The following CLCN5 variants were observed in gnomAD, a reference collection of about 807,000 sequenced individuals.
CLCN5 encodes the protein Cl-/H+ antiporter 5, also known as H(+)/Cl(-) exchange transporter 5.
Under a neutral mutation model 54.0 loss-of-function variants are expected in CLCN5, and 17 were observed. The ratio of observed to expected loss-of-function variants is 0.31; its 90% CI spans 0.22 to 0.47. The LOEUF (loss-of-function observed/expected upper bound fraction) is 0.47, where lower values mean the gene tolerates loss of function less well. Among genes scored for constraint, CLCN5 ranks in the 20% least tolerant of loss-of-function variants. CLCN5 has a pLI of 1.00. For missense variants in CLCN5, 448 were observed against 646.7 expected, an observed-to-expected ratio of 0.69 and a Z score of 3.33; for synonymous variants, 222 against 233.0, an observed-to-expected ratio of 0.95 and a Z score of 0.43.
intron 8 of CLCN5, among the ~76,000 whole-genome samples, chrX:50,081,063 T>G (rs111571599): frequency 9.0e-6 from 1 of 111,206 alleles, no homozygotes; most frequent in Non-Finnish European, 1.9e-5. Flanking sequence ...AATCATTTGG[T>G]ACCTTTCCCA....
intron 3 of CLCN5, chrX:50,009,630 C>T (rs1237235860): frequency 5.5e-6 from 2 of 363,782 alleles, no homozygotes; most frequent in Non-Finnish European, 1.1e-5. Flanking sequence ...TTAGCAAATG[C>T]ACACAGAGAT....
intron 3 of CLCN5, chrX:50,009,128 G>A: frequency 1.1e-5 from 3 of 277,523 alleles, no homozygotes; most frequent in South Asian, 1.1e-4. Context: ...ACTGGGTGGT[G>A]GAGATACAAC....
chrX:50,067,287 A>C (rs1374757366), intron 4 of CLCN5, among the ~76,000 whole-genome samples: 1 of 110,437 alleles, frequency 9.1e-6, no homozygotes, highest in Non-Finnish European at 1.9e-5. Context: ...TTTTTAAAAA[A>C]CCTTTTTTAT....
At position 50,075,939 on chromosome X, in the gene CLCN5, C is replaced by G; in HGVS notation, c.560C>G (p.Pro187Arg). The change falls in exon 7 of 15, where the codon CCA becomes CGA. Residue 187 changes from proline to arginine, a missense_variant. Around this residue, in one of 5 missense-constraint regions of CLCN5, gnomAD observed 41 missense variants for 71.3 expected, o/e 0.58. Transcript: ENST00000376091. ...ACCTTTGAAGAGAGAGACAAATGTC[C>G]AGAGTGGAATAGTTGGTCCCAGCTT... is the stretch of plus-strand genomic sequence containing the variant. ...HVTFEERDKC[P>R]EWNSWSQLII... The G allele has an allele frequency of 8.3e-7, 1 of 1,211,495 alleles. No individual in the cohort carries two copies. Among genetic ancestry groups the G allele is most frequent in the Non-Finnish European group, 1.1e-6 (1 of 895,075 alleles).
At chrX:50,005,367 G>A (rs1321129450) in intron 3 of CLCN5, among the ~76,000 whole-genome samples, 2 of 111,541 alleles carry the variant, frequency 1.8e-5, no homozygotes, top group African/African-American at 3.3e-5. Context: ...TCTTAGAGCC[G>A]TTATTTCATT....
intron 3 of CLCN5, among the ~76,000 whole-genome samples, chrX:49,973,025 T>C (rs892670035): frequency 2.2e-4 from 25 of 112,090 alleles, no homozygotes; most frequent in African/African-American, 7.8e-4. Flanking sequence ...TCTTTCATTT[T>C]AGAGCCACAA....
chrX:50,078,688 A>T (rs1442518088), intron 7 of CLCN5, among the ~76,000 whole-genome samples: 1 of 112,732 alleles, frequency 8.9e-6, no homozygotes, highest in Non-Finnish European at 1.9e-5. Flanking sequence ...GCCCCTTTAT[A>T]GCTGTATGTG....
Position 49,975,009 on chromosome X carries a change from C to G in CLCN5, c.16+49695C>G, listed in dbSNP as rs782123125. On this transcript the variant is annotated intron_variant, in intron 3 of 14. Transcript: ENST00000376091. ...AGGATGCTGGAGATACACTGAAGAA[C>G]AAGATAGCCATGGTCACTACCCTAA... Among the ~76,000 whole-genome samples the G allele has an allele frequency of 7.1e-5, 8 of 112,104 alleles. No individual in the cohort carries two copies. In the South Asian group the frequency reaches 3.0e-3, roughly 42 times the overall value.
intron 3 of CLCN5, among the ~76,000 whole-genome samples, chrX:50,038,588 T>A (rs1268642067): frequency 8.9e-6 from 1 of 112,026 alleles, no homozygotes; most frequent in Non-Finnish European, 1.9e-5. Flanking sequence ...TTCAAGAGTG[T>A]CAAGATCATG....
At chrX:49,937,259 C>T (rs935433457) in intron 3 of CLCN5, among the ~76,000 whole-genome samples, 6 of 111,820 alleles carry the variant, frequency 5.4e-5, no homozygotes, top group South Asian at 3.8e-4. Flanking sequence ...TCTAGGATGA[C>T]GCACAAGAAA....
At chrX:50,060,567 G>A (rs1268946335) in intron 4 of CLCN5, among the ~76,000 whole-genome samples, 100 of 108,912 alleles carry the variant, frequency 9.2e-4, no homozygotes, top group Non-Finnish European at 1.5e-3. Flanking sequence ...CAAGGCGGCA[G>A]CGAGGCTGGG....
chrX:49,947,112 G>A (rs1256471434), intron 3 of CLCN5, among the ~76,000 whole-genome samples: 5 of 111,526 alleles, frequency 4.5e-5, no homozygotes, highest in Admixed American at 9.5e-5. Context: ...ATGAGCCACC[G>A]CGCCTGGCCA....
At chrX:50,066,443 G>A (rs1156746281) in intron 4 of CLCN5, among the ~76,000 whole-genome samples, 1 of 111,354 alleles carries the variant, frequency 9.0e-6, no homozygotes, top group Non-Finnish European at 1.9e-5. Flanking sequence ...AGGGTGTATC[G>A]AACCTTAAGA....
Position 50,090,679 on chromosome X carries a change from G to A in CLCN5, c.2153G>A (p.Arg718Gln), listed in dbSNP as rs782014653. 6.6e-6 allele frequency: 8 copies of A among 1,205,690 alleles called. No individual in the cohort carries two copies. The African/African-American group carries it at 1.1e-4, about 16-fold the overall frequency. Residue 718 changes from arginine (R) to glutamine (Q), a missense_variant, in exon 14 of 15, where the codon CGA becomes CAA. By Grantham distance (43) the Arg-to-Gln change is conservative. This residue lies in a region of CLCN5 where 297 missense variants were observed against 470.4 expected (regional missense o/e 0.63). Coordinates refer to ENST00000376091, the MANE Select transcript of CLCN5 (RefSeq NM_001127898.4). ...CCTTCTGTTTGAATAGAAAATGCTC[G>A]AAAGAAACAGGATGGGGTTGTTAGC... ...RDLIISIENA[R>Q]KKQDGVVSTS... is the part of the protein sequence containing the mutation.
rs1932298867 is a variant in CLCN5, at chrX:50,043,679, T to C, written c.163+1217T>C. 2.7e-5 allele frequency among the ~76,000 whole-genome samples: 3 copies of C among 111,772 alleles called. No homozygotes were observed. The South Asian group carries it at 1.1e-3, about 42-fold the overall frequency. On this transcript the variant is annotated intron_variant, in intron 4 of 14. Transcript: ENST00000376091. ...GCCCTTCATATACTATTATTACTCT[T>C]TTGTCTGATGTAGGTTAAATGTATT...
intron 3 of CLCN5, among the ~76,000 whole-genome samples, chrX:49,934,543 A>G (rs141691577): frequency 0.018 from 2,058 of 111,526 alleles, 16 homozygotes; most frequent in Middle Eastern, 0.041. Flanking sequence ...CTCCCTTAGT[A>G]ATGTCATATT....
At chrX:50,085,682 T>C in intron 9 of CLCN5, 1 of 341,091 alleles carries the variant, frequency 2.9e-6, no homozygotes, top group East Asian at 5.6e-5. Context: ...GAAATTCAAA[T>C]GCAGTTACTG....
At chrX:50,004,954 A>G (rs1930081067) in intron 3 of CLCN5, among the ~76,000 whole-genome samples, 1 of 111,922 alleles carries the variant, frequency 8.9e-6, no homozygotes, top group African/African-American at 3.2e-5. Flanking sequence ...ATCATCACAT[A>G]TCTGTTGTTC....
At chrX:49,970,536 T>G (rs1306863981) in intron 3 of CLCN5, among the ~76,000 whole-genome samples, 2 of 111,626 alleles carry the variant, frequency 1.8e-5, no homozygotes, top group African/African-American at 6.5e-5. Flanking sequence ...TCCGCATAAT[T>G]TTTTTCAAAG....
Sources: gnomAD v4.1 joint callset for allele counts (sites outside exome capture counted in the v4.1 genomes callset) on GRCh38, gnomAD v4.1.1 for gene constraint, gnomAD v4.1.1 regional missense constraint, MANE v1.5 for transcripts, NCBI Gene and HGNC (gene_info 2026-07-23, HGNC 2026-07-21) for gene names.